Variants in CACNB2 observed in about 807,000 individuals in gnomAD.
CACNB2 encodes the protein voltage-dependent L-type calcium channel subunit beta-2.
Under a neutral mutation model 73.3 loss-of-function variants are expected in CACNB2, and 42 were observed. That is an observed-to-expected ratio of 0.57 (90% CI 0.45 to 0.74). CACNB2 has a LOEUF of 0.74. Among genes scored for constraint, CACNB2 ranks in the 30% least tolerant of loss-of-function variants. The probability of loss-of-function intolerance (pLI) is 0.00; values close to 1 mark genes in which losing one functional copy is unlikely to be tolerated. For synonymous variants in CACNB2, 348 were observed against 310.3 expected, an observed-to-expected ratio of 1.12 and a Z score of -1.28; for missense variants, 940 against 853.0, an observed-to-expected ratio of 1.10 and a Z score of -1.27.
intron 3 of CACNB2, among the ~76,000 whole-genome samples, chr10:18,439,898 G>A (rs939116642): frequency 3.3e-5 from 5 of 152,258 alleles, no homozygotes; most frequent in African/African-American, 7.2e-5. Flanking sequence ...AGTCTAGCTC[G>A]GAGAAATAGG....
chr10:18,409,818 G>A (rs1332907239), intron 3 of CACNB2, among the ~76,000 whole-genome samples: 4 of 152,158 alleles, frequency 2.6e-5, no homozygotes, highest in Non-Finnish European at 5.9e-5. Context: ...GCTTTTGGCA[G>A]TTGTCCAAGA....
intron 3 of CACNB2, among the ~76,000 whole-genome samples, chr10:18,454,969 G>A (rs563728639): frequency 4.7e-4 from 72 of 151,698 alleles, no homozygotes; most frequent in Non-Finnish European, 9.7e-4. Flanking sequence ...TGGAGTGCAG[G>A]AGTTCAAGGC....
intron 2 of CACNB2, among the ~76,000 whole-genome samples, chr10:18,255,469 A>G (rs548483856): frequency 6.6e-6 from 1 of 152,250 alleles, no homozygotes; most frequent in Admixed American, 6.5e-5. Context: ...ATTAGCTTGT[A>G]ATTCTATGCT....
chr10:18,488,910 G>T (rs186078816), intron 3 of CACNB2, among the ~76,000 whole-genome samples: 1 of 152,104 alleles, frequency 6.6e-6, no homozygotes, highest in Non-Finnish European at 1.5e-5. Context: ...GGGTACGGTG[G>T]CTCATGCCTG....
intron 2 of CACNB2, among the ~76,000 whole-genome samples, chr10:18,217,716 A>T (rs1323645813): frequency 1.3e-5 from 2 of 151,578 alleles, no homozygotes; most frequent in African/African-American, 4.8e-5. Context: ...AGCAGAGAGA[A>T]CAGCCATTGC....
chr10:18,504,654 C>CGCGTGT (rs1554833095), intron 5 of CACNB2, among the ~76,000 whole-genome samples: 1 of 151,496 alleles, frequency 6.6e-6, no homozygotes, highest in Non-Finnish European at 1.5e-5. Context: ...TGTGTGTGTG[C>CGCGTGT]GTGTGTGTGA....
At chr10:18,402,283 G>A (rs371018035) in intron 3 of CACNB2, among the ~76,000 whole-genome samples, 122 of 151,816 alleles carry the variant, frequency 8.0e-4, no homozygotes, top group Admixed American at 3.1e-3. Flanking sequence ...TGGGTGGATG[G>A]CTTATTTGGA....
rs540309390 is a variant in CACNB2, at chr10:18,290,111, T to C, written c.214-111813T>C. On this transcript the variant is annotated intron_variant, in intron 2 of 13. Transcript: ENST00000324631. The stretch of plus-strand genomic sequence containing the variant: ...TTAAAGTTTTTTTCTTTTTTCTTTT[T>C]CTTTTTTTTTTTTTTTTTTTTTTTT... 1.8e-3 allele frequency among the ~76,000 whole-genome samples: 255 copies of C among 138,036 alleles called. 1 individual carries two copies. Among genetic ancestry groups the C allele is most frequent in the African/African-American group, 6.8e-3 (243 of 35,926 alleles). The allele number at this position is 138,036 out of a possible 152,430, so 90.6% of individuals were successfully genotyped here.
chr10:18,512,703 G>A (rs1190224342), intron 6 of CACNB2, among the ~76,000 whole-genome samples: 2 of 152,130 alleles, frequency 1.3e-5, no homozygotes, highest in Non-Finnish European at 2.9e-5. Flanking sequence ...GTTTATTCCT[G>A]TAGCATAAAA....
intron 2 of CACNB2, among the ~76,000 whole-genome samples, chr10:18,365,285 C>T (rs542222219): frequency 6.6e-6 from 1 of 152,304 alleles, no homozygotes; most frequent in South Asian, 2.1e-4. Flanking sequence ...GAGTTATTTA[C>T]CCCTCTGGCC....
chr10:18,192,101 G>A (rs924283892), intron 2 of CACNB2, among the ~76,000 whole-genome samples: 18 of 151,406 alleles, frequency 1.2e-4, no homozygotes, highest in East Asian at 3.9e-4. Context: ...TGAAAAAATC[G>A]TCTCCTCTGA....
chr10:18,172,474 T>G (rs1435651271), intron 2 of CACNB2, among the ~76,000 whole-genome samples: 1 of 152,208 alleles, frequency 6.6e-6, no homozygotes, highest in Non-Finnish European at 1.5e-5. Context: ...TGTTTTCTAG[T>G]TTTCCACGCA....
At chr10:18,422,266 C>T (rs11014171) in intron 3 of CACNB2, among the ~76,000 whole-genome samples, 43,505 of 152,060 alleles carry the variant, frequency 0.29, 6,794 homozygotes, top group Middle Eastern at 0.4. Flanking sequence ...CCTGTTTATT[C>T]TTGCCTGGAT....
chr10:18,162,706 T>A, intron 2 of CACNB2, among the ~76,000 whole-genome samples: 1 of 152,114 alleles, frequency 6.6e-6, no homozygotes, highest in Non-Finnish European at 1.5e-5. Flanking sequence ...AAGAACCAGC[T>A]CCTAGGGAAT....
At chr10:18,374,770 C>T (rs879329710) in intron 2 of CACNB2, among the ~76,000 whole-genome samples, 14 of 152,126 alleles carry the variant, frequency 9.2e-5, no homozygotes, top group African/African-American at 1.4e-4. Flanking sequence ...CTTATGCACA[C>T]CCACTGTCCT....
intron 3 of CACNB2, among the ~76,000 whole-genome samples, chr10:18,474,415 G>A (rs1265336118): frequency 1.3e-5 from 2 of 152,116 alleles, no homozygotes; most frequent in African/African-American, 2.4e-5. Flanking sequence ...TAGGCTCAGC[G>A]TCCTAAACTA....
At chr10:18,358,092 G>T (rs569231125) in intron 2 of CACNB2, among the ~76,000 whole-genome samples, 45 of 152,114 alleles carry the variant, frequency 3.0e-4, no homozygotes, top group Non-Finnish European at 5.3e-4. Context: ...CCATTCAATT[G>T]ATTGATTAAC....
At chr10:18,244,993 C>T (rs949634338) in intron 2 of CACNB2, among the ~76,000 whole-genome samples, 1 of 151,916 alleles carries the variant, frequency 6.6e-6, no homozygotes, top group Non-Finnish European at 1.5e-5. Flanking sequence ...GTGGAGGGGC[C>T]ATGAGCCAAG....
chr10:18,458,745 G>C (rs2132658609), intron 3 of CACNB2, among the ~76,000 whole-genome samples: 1 of 150,252 alleles, frequency 6.7e-6, no homozygotes, highest in East Asian at 1.9e-4. Context: ...ATTAACAGTA[G>C]GAAAAAAGTA....
Sources: allele counts gnomAD v4.1 joint callset (sites outside exome capture counted in the v4.1 genomes callset), GRCh38; gene constraint gnomAD v4.1.1; transcripts MANE v1.5; gene names NCBI Gene and HGNC (gene_info 2026-07-23, HGNC 2026-07-21).